KIF26B: variants seen among roughly 807,000 people sequenced by gnomAD.
The protein encoded by KIF26B is kinesin-like protein KIF26B.
KIF26B carries 63 observed loss-of-function variants against 151.2 expected under a neutral mutation model. The ratio of observed to expected loss-of-function variants is 0.42; its 90% CI spans 0.34 to 0.51. The LOEUF is 0.51. Ranked by LOEUF, KIF26B falls within the 20% of genes least tolerant of loss-of-function variation. The pLI, the probability that KIF26B is intolerant of heterozygous loss-of-function variation, is 0.07. For synonymous variants in KIF26B, 1,357 were observed against 1,262.1 expected (o/e 1.08, Z -1.59); for missense variants, 2,813 against 2,913.6 (o/e 0.97, Z 0.79).
At chr1:245,348,057 C>G (rs559083710) in intron 2 of KIF26B, among the ~76,000 whole-genome samples, 1 of 152,348 alleles carries the variant, frequency 6.6e-6, no homozygotes, top group South Asian at 2.1e-4. Flanking sequence ...CTTGATCTAT[C>G]TGCAGCATTT....
intron 2 of KIF26B, among the ~76,000 whole-genome samples, chr1:245,343,049 G>A (rs1672368188): frequency 6.9e-6 from 1 of 144,542 alleles, no homozygotes. Context: ...TCACACCACT[G>A]CACTCCAGCC....
At chr1:245,250,787 C>T (rs1670428668) in intron 2 of KIF26B, among the ~76,000 whole-genome samples, 1 of 152,064 alleles carries the variant, frequency 6.6e-6, no homozygotes, top group Non-Finnish European at 1.5e-5. Flanking sequence ...TATTTGTGTC[C>T]ATTATTGTAA....
chr1:245,424,866 C>T (rs1245316448), intron 4 of KIF26B, among the ~76,000 whole-genome samples: 1 of 152,206 alleles, frequency 6.6e-6, no homozygotes, highest in Non-Finnish European at 1.5e-5. Context: ...CTTCCTCTCA[C>T]GATTGTCTTT....
At chr1:245,690,556 T>A (rs1248777952) in intron 12 of KIF26B, among the ~76,000 whole-genome samples, 2 of 152,218 alleles carry the variant, frequency 1.3e-5, no homozygotes, top group Non-Finnish European at 2.9e-5. Flanking sequence ...AAACCATTCC[T>A]CTTCCTAGAA....
chr1:245,216,378 C>T (rs1669645256), intron 2 of KIF26B: 1 of 151,850 alleles, frequency 6.6e-6, no homozygotes, highest in African/African-American at 2.4e-5. Flanking sequence ...AGACTTGCAA[C>T]CTTTACCCCG....
chr1:245,688,301 C>T lies in KIF26B; in HGVS notation c.5318C>T (p.Ser1773Leu), dbSNP rs748915660. The stretch of plus-strand genomic sequence containing the variant: ...CAGGCGGTGGGCCAGGGCTCCAGCT[C>T]GCCCCCCGGTGGGAAGCACACGCCC... ...LPQAVGQGSS[S>L]PPGGKHTPWS... is the part of the protein sequence containing the mutation. The change falls in exon 12 of 15, where the codon TCG (serine) becomes TTG (leucine). Residue 1773 changes from serine (S) to leucine (L), a missense_variant. By Grantham distance (145) the Ser-to-Leu change is moderately radical. Coordinates refer to ENST00000407071, the MANE Select transcript of KIF26B (RefSeq NM_018012.4). 9 of 1,596,122 alleles carry T rather than the reference C, an allele frequency of 5.6e-6. No individual in the cohort carries two copies. Among genetic ancestry groups the T allele is most frequent in the South Asian group, 1.1e-5 (1 of 90,588 alleles).
chr1:245,354,340 C>G (rs1382498312), intron 2 of KIF26B, among the ~76,000 whole-genome samples: 1 of 152,148 alleles, frequency 6.6e-6, no homozygotes, highest in African/African-American at 2.4e-5. Context: ...TAAAAGCCAC[C>G]TCAGCCGTCC....
rs146532957 is a variant in KIF26B at position 245,438,769 on chromosome 1, G to A, written c.1166+19024G>A. On this transcript the variant is annotated intron_variant, in intron 4 of 14. Coordinates refer to ENST00000407071, the MANE Select transcript of KIF26B (RefSeq NM_018012.4). ...ACTGAATCTCAAATAATGATGGTAA[G>A]CGACGGAAACCAGATCCCACCTCTA... 4.6e-4 allele frequency among the ~76,000 whole-genome samples: 70 copies of A among 152,284 alleles called. 1 individual carries two copies. Among genetic ancestry groups the A allele is most frequent in the East Asian group, 3.9e-3 (20 of 5,188 alleles).
chr1:245,430,770 T>C lies in KIF26B; in HGVS notation c.1166+11025T>C, dbSNP rs576296587. On this transcript the variant is annotated intron_variant, in intron 4 of 14. Coordinates refer to ENST00000407071, the MANE Select transcript of KIF26B (RefSeq NM_018012.4). ...CACATTTAATCTTCAGAAGCCCCCATGAGTTGGCCGTGTTTTTATCCCATT... is the reference window on the plus strand; with the variant it reads ...CACATTTAATCTTCAGAAGCCCCCACGAGTTGGCCGTGTTTTTATCCCATT... Among the ~76,000 whole-genome samples the C allele has an allele frequency of 1.1e-3, 160 of 152,290 alleles. No individual in the cohort carries two copies. In the Middle Eastern group the frequency reaches 0.014, roughly 13 times the overall value.
rs1284075284 is a variant in KIF26B at position 245,241,621 on chromosome 1, C to T, written c.465+84938C>T. 6.6e-6 allele frequency among the ~76,000 whole-genome samples: 1 copy of T among 152,236 alleles called. No homozygotes were observed. The highest frequency in any genetic ancestry group is 2.4e-5 in the African/African-American group (1 of 41,466). On this transcript the variant is annotated intron_variant, in intron 2 of 14. Transcript: ENST00000407071. The surrounding 1 kb of genome is among the most constrained non-coding windows in gnomAD (Gnocchi z 5.0). ...CCAATGGCCTCAGGAGACAGTGACTCACGCTGTGTCCACCTGTGTCATCCT... is the reference window on the plus strand; with the variant it reads ...CCAATGGCCTCAGGAGACAGTGACTTACGCTGTGTCCACCTGTGTCATCCT...
chr1:245,515,264 C>T (rs1660935790), intron 4 of KIF26B, among the ~76,000 whole-genome samples: 1 of 152,188 alleles, frequency 6.6e-6, no homozygotes, highest in African/African-American at 2.4e-5. Flanking sequence ...TGAGACTCCC[C>T]TGATCCCCTG....
chr1:245,240,557 C>T (rs779689620), intron 2 of KIF26B, among the ~76,000 whole-genome samples: 43 of 152,112 alleles, frequency 2.8e-4, no homozygotes, highest in Non-Finnish European at 5.1e-4. Flanking sequence ...CTCAGACTCT[C>T]GTGAGATTAT....
rs1268391397 is a variant in KIF26B at position 245,239,896 on chromosome 1, C to T, written c.465+83213C>T. On this transcript the variant is annotated intron_variant, in intron 2 of 14. Coordinates refer to ENST00000407071, the MANE Select transcript of KIF26B (RefSeq NM_018012.4). The surrounding 1 kb of genome is among the most constrained non-coding windows in gnomAD (Gnocchi z 4.3). ...TACTATATAAAGAGTCACTTTCCGG[C>T]CGGGTGTGGTCACTCACGCCTGTAA... 6.6e-6 allele frequency among the ~76,000 whole-genome samples: 1 copy of T among 152,040 alleles called. No individual in the cohort carries two copies. The highest frequency in any genetic ancestry group is 1.5e-5 in the Non-Finnish European group (1 of 68,016).
At chr1:245,471,432 C>A (rs1464946312) in intron 4 of KIF26B, among the ~76,000 whole-genome samples, 1 of 151,982 alleles carries the variant, frequency 6.6e-6, no homozygotes, top group Non-Finnish European at 1.5e-5. Flanking sequence ...CCACACCTGG[C>A]CTGATAGTTA....
rs1558265783 is a variant in KIF26B, at chr1:245,678,735, T to TGC, written c.2259-5497_2259-5496dup. On this transcript the variant is annotated intron_variant, in intron 10 of 14. Transcript: ENST00000407071. Reference sequence around the variant, plus strand: ...AAAAATTGCTGGGCGTGGTGGTGCATGCCTGTAGTTCCAGCTACTCAGGAG... The same window carrying TGC: ...AAAAATTGCTGGGCGTGGTGGTGCATGCGCCTGTAGTTCCAGCTACTCAGGAG... 2.6e-5 allele frequency among the ~76,000 whole-genome samples: 4 copies of TGC among 152,066 alleles called. No individual in the cohort carries two copies. The East Asian group carries it at 7.7e-4, about 29-fold the overall frequency.
At chr1:245,177,974 C>T (rs1034348085) in intron 2 of KIF26B, among the ~76,000 whole-genome samples, 4 of 152,098 alleles carry the variant, frequency 2.6e-5, no homozygotes, top group African/African-American at 4.8e-5. Flanking sequence ...TTAGCCTCCA[C>T]GTAGGAAAGG....
intron 9 of KIF26B, among the ~76,000 whole-genome samples, chr1:245,635,353 A>G (rs1173024378): frequency 6.6e-6 from 1 of 152,024 alleles, no homozygotes; most frequent in East Asian, 1.9e-4. Context: ...ACCTCTTGAA[A>G]GAGCTTTGGA....
chr1:245,652,143 TGTGAGA>T (rs1297043425), intron 10 of KIF26B, among the ~76,000 whole-genome samples: 116 of 111,264 alleles, frequency 1.0e-3, no homozygotes, highest in Admixed American at 3.0e-3. Context: ...TGTGTGTGTG[TGTGAGA>T]GAGACATATG....
At chr1:245,301,829 T>A (rs1671433648) in intron 2 of KIF26B, among the ~76,000 whole-genome samples, 1 of 152,214 alleles carries the variant, frequency 6.6e-6, no homozygotes, top group Non-Finnish European at 1.5e-5. Context: ...TAGTACCCAA[T>A]TATTTATCAA....
Sources: allele counts gnomAD v4.1 joint callset (sites outside exome capture counted in the v4.1 genomes callset), GRCh38; gene constraint gnomAD v4.1.1; non-coding constraint Gnocchi (gnomAD v3.1); transcripts MANE v1.5; gene names NCBI Gene and HGNC (gene_info 2026-07-23, HGNC 2026-07-21).